The following HGFAC variants were observed in gnomAD, a reference collection of about 807,000 sequenced individuals.
HGFAC encodes HGF activator.
HGFAC carries 76 observed loss-of-function variants against 70.6 expected under a neutral mutation model. That is an observed-to-expected ratio of 1.08 (90% CI 0.89 to 1.30). The LOEUF is 1.30. Ranked by LOEUF, HGFAC falls within the 50% of genes most tolerant of loss-of-function variation. The pLI is 0.00. For missense variants in HGFAC, 1,044 were observed against 933.7 expected (o/e 1.12, Z -1.54); for synonymous variants, 464 against 405.3 (o/e 1.14, Z -1.74).
chr4:3,442,876 A>G lies in HGFAC; in HGVS notation c.262A>G (p.Arg88Gly), dbSNP rs760915815. The G allele has an allele frequency of 6.4e-7, 1 of 1,568,236 alleles. No homozygotes were observed. The highest frequency in any genetic ancestry group is 1.2e-5 in the South Asian group (1 of 85,030). ...AAGTGGGGGGCTCCCGCCCCCGCCC[A>G]GGGCAGTTCCCTCGAGCAGTAGCCC... The part of the protein sequence containing the change: ...PQSGGLPPPP[R>G]AVPSSSSPQA... The change falls in exon 2 of 14, where the codon AGG becomes GGG. Residue 88 changes from arginine (R) to glycine (G), a missense_variant. Transcript: ENST00000382774.
chr4:3,443,279 T>TGGTGG, intron 3 of HGFAC, 62 bp from the exon 4 acceptor site: 1 of 1,075,830 alleles, frequency 9.3e-7, no homozygotes, highest in South Asian at 1.4e-5. Context: ...CCCTCCAGGG[T>TGGTGG]GGTGGGGTGG....
In HGFAC at chr4:3,446,208, C is replaced by A. The variant is rs745547345; in HGVS notation, c.1269C>A (p.Ala423=). The A allele has an allele frequency of 1.2e-6, 2 of 1,611,138 alleles. No individual in the cohort carries two copies. The highest frequency in any genetic ancestry group is 1.7e-6 in the Non-Finnish European group (2 of 1,179,492). ...TGCCCGGCTCGCACCCCTGGCTGGC[C>A]GCCATCTACATCGGGGACAGCTTCT... ...SSLPGSHPWL[A]AIYIGDSFCA... The change falls in exon 10 of 14, where the codon GCC becomes GCA. Residue 423 remains alanine, a synonymous_variant. Transcript: ENST00000382774.
intron 10 of HGFAC, among the ~76,000 whole-genome samples, chr4:3,446,625 T>C (rs1218522991): frequency 6.6e-6 from 1 of 151,962 alleles, no homozygotes; most frequent in African/African-American, 2.4e-5. Context: ...TGGCTCTCAG[T>C]AGGGAGCCAG....
chr4:3,445,944 T>C, intron 9 of HGFAC, 98 bp from the exon 10 acceptor site: 3 of 1,561,038 alleles, frequency 1.9e-6, no homozygotes, highest in Non-Finnish European at 2.6e-6. Flanking sequence ...GGTCCGGCCA[T>C]GGCCCTCTGC....
chr4:3,445,892 C>T (rs758605372), intron 9 of HGFAC, 150 bp from the exon 10 acceptor site: 4 of 1,548,298 alleles, frequency 2.6e-6, no homozygotes, highest in Middle Eastern at 1.7e-4. Context: ...AAACTGAGGG[C>T]AGAGGTGAGT....
rs140857364 is a variant in HGFAC, at chr4:3,445,280, C to T, written c.1032C>T (p.Asp344=). 38 of 1,583,494 alleles carry T rather than the reference C, an allele frequency of 2.4e-5. No individual in the cohort carries two copies. In the Middle Eastern group the frequency reaches 6.6e-4, roughly 28 times the overall value. Residue 344 remains aspartate (D), a synonymous_variant, in exon 9 of 14, where the codon GAC becomes GAT. Transcript: ENST00000382774. ...TGCACCGCAGGAATCCGGACAATGA[C>T]GAGAGGCCCTGGTGCTACGTGGTGA... ...PHAYCRNPDN[D]ERPWCYVVKD...
Position 3,444,428 on chromosome 4 carries a change from G to C in HGFAC, c.716G>C (p.Gly239Ala). The stretch of plus-strand genomic sequence containing the variant: ...TTCGGGGGCCGGACCTGGTGCGAAG[G>C]CACCCGACATACAGGTGCGCCACGG... ...ECFGGRTWCE[G>A]TRHTACLSSP... The change falls in exon 6 of 14, where the codon GGC becomes GCC. Residue 239 changes from glycine to alanine, a missense_variant. Coordinates refer to ENST00000382774, the MANE Select transcript of HGFAC (RefSeq NM_001528.4). The C allele has an allele frequency of 6.3e-7, 1 of 1,599,700 alleles. No homozygotes were observed. The highest frequency in any genetic ancestry group is 1.1e-5 in the South Asian group (1 of 88,378).
In HGFAC at chr4:3,442,776, G is replaced by A. The variant is rs2073505; in HGVS notation, c.162G>A (p.Ala54=). ...SPEPNATATP[A]IPTILVTSVT... ...AACCTAATGCCACAGCGACCCCTGC[G>A]ATCCCCACTATCCTGGTGACCTCTG... The change falls in exon 2 of 14, where the codon GCG becomes GCA. Residue 54 remains alanine (A), a synonymous_variant. Coordinates refer to ENST00000382774, the MANE Select transcript of HGFAC (RefSeq NM_001528.4). The A allele has an allele frequency of 0.083, 127,456 of 1,538,964 alleles. 5,977 individuals are homozygous for A. The highest frequency in any genetic ancestry group is 0.19 in the Middle Eastern group (1,086 of 5,712).
chr4:3,443,896 C>T, intron 4 of HGFAC, 143 bp from the exon 5 acceptor site: 3 of 887,730 alleles, frequency 3.4e-6, no homozygotes, highest in African/African-American at 3.4e-5. Flanking sequence ...AGGGACCTTG[C>T]ACCCCGAGGG....
At position 3,442,889 on chromosome 4, in the gene HGFAC, C is replaced by G. The variant is rs199767749; in HGVS notation, c.275C>G (p.Ser92Trp). 8.4e-4 allele frequency: 1,307 copies of G among 1,564,214 alleles called. 9 individuals carry two copies. The South Asian group carries it at 9.0e-3, about 11-fold the overall frequency. Residue 92 changes from serine (S) to tryptophan (W), a missense_variant, in exon 2 of 14, where the codon TCG becomes TGG. Coordinates refer to ENST00000382774, the MANE Select transcript of HGFAC (RefSeq NM_001528.4). ...CCGCCCCCGCCCAGGGCAGTTCCCT[C>G]GAGCAGTAGCCCCCAGGCCCAAGGT... ...GLPPPPRAVP[S>W]SSSPQAQALT...
At position 3,446,111 on chromosome 4, in the gene HGFAC, G is replaced by T. The variant is rs199695477; in HGVS notation, c.1172G>T (p.Arg391Leu). ...CTGCCTGAGCCAGCCTCCCCGGGGC[G>T]CCAGGCCTGCGGCAGGAGGCACAAG... Reference protein sequence around the residue: ...ATLPEPASPGRQACGRRHKKR... With the variant: ...ATLPEPASPGLQACGRRHKKR... Residue 391 changes from arginine (R) to leucine (L), a missense_variant, in exon 10 of 14, where the codon CGC (arginine) becomes CTC (leucine). Transcript: ENST00000382774. 2.5e-6 allele frequency: 4 copies of T among 1,610,536 alleles called. No individual in the cohort carries two copies. The highest frequency in any genetic ancestry group is 1.7e-5 in the Admixed American group (1 of 59,804).
chr4:3,446,838 G>GATTAGGGGCAGGGGTCCGGCC (rs1279467178), intron 10 of HGFAC, among the ~76,000 whole-genome samples: 1 of 152,196 alleles, frequency 6.6e-6, no homozygotes, highest in East Asian at 1.9e-4. Flanking sequence ...GCACCCCAGT[G>GATTAGGGGCAGGGGTCCGGCC]ATTAGGGGCA....
chr4:3,442,227 G>A (rs1271070303), intron 1 of HGFAC, 109 bp downstream of exon 1: 3 of 819,934 alleles, frequency 3.7e-6, no homozygotes, highest in South Asian at 1.7e-5. Flanking sequence ...ATTTGAGGGG[G>A]CGGGGGTCCG....
At position 3,445,297 on chromosome 4, in the gene HGFAC, AC is replaced by A. The variant is rs1423234369; in HGVS notation, c.1050del (p.Tyr350Ter). The part of the protein sequence containing the change: ...NPDNDERPWC[Y>X]VVKDSALSWE... ...GACAATGACGAGAGGCCCTGGTGCTACGTGGTGAAGGACAGCGCGCTCTCCT... is the reference window on the plus strand; with the variant it reads ...GACAATGACGAGAGGCCCTGGTGCTAGTGGTGAAGGACAGCGCGCTCTCCT... On this transcript the variant is annotated frameshift_variant, in exon 9 of 14. Transcript: ENST00000382774. LOFTEE classifies it high-confidence loss of function. 6 of 1,588,684 alleles carry A rather than the reference AC, an allele frequency of 3.8e-6. No individual in the cohort carries two copies. Among genetic ancestry groups the A allele is most frequent in the Non-Finnish European group, 5.1e-6 (6 of 1,168,624 alleles).
chr4:3,446,223 G>A lies in HGFAC; in HGVS notation c.1284G>A (p.Gly428=), dbSNP rs1415914573. 6.2e-7 allele frequency: 1 copy of A among 1,611,254 alleles called. No homozygotes were observed. Among genetic ancestry groups the A allele is most frequent in the Non-Finnish European group, 8.5e-7 (1 of 1,179,530 alleles). The change falls in exon 10 of 14, where the codon GGG becomes GGA. Residue 428 remains glycine (G), a synonymous_variant. Transcript: ENST00000382774. ...CCTGGCTGGCCGCCATCTACATCGG[G>A]GACAGCTTCTGCGCCGGGAGCCTGG... ...SHPWLAAIYI[G]DSFCAGSLVH...
chr4:3,447,576 G>GA lies in HGFAC; in HGVS notation c.1442dup (p.Tyr482ValfsTer64), dbSNP rs765340154. On this transcript the variant is annotated frameshift_variant, in exon 11 of 14. Coordinates refer to ENST00000382774, the MANE Select transcript of HGFAC (RefSeq NM_001528.4). LOFTEE classifies it high-confidence loss of function. Reference sequence around the variant, plus strand: ...ACGTGACGCAGACCTTCGGCATCGAGAAGTACATCCCGTACACCCTGTACT... The same window carrying GA: ...ACGTGACGCAGACCTTCGGCATCGAGAAAGTACATCCCGTACACCCTGTACT... The GA allele has an allele frequency of 1.0e-4, 161 of 1,612,592 alleles. 3 individuals are homozygous for GA. The Admixed American group carries it at 2.2e-3, about 22-fold the overall frequency.
intron 3 of HGFAC, 22 bp from the exon 4 acceptor site, chr4:3,443,319 G>T (rs751494815): frequency 2.0e-6 from 3 of 1,537,918 alleles, no homozygotes; most frequent in Middle Eastern, 1.7e-4. Context: ...GGACCCCCAT[G>T]CACGCAGGTG....
At position 3,442,008 on chromosome 4, in the gene HGFAC, C is replaced by T. The variant is rs754001817; in HGVS notation, c.7C>T (p.Arg3Cys). The change falls in exon 1 of 14, where the codon CGC (arginine) becomes TGC (cysteine). Residue 3 changes from arginine (R) to cysteine (C), a missense_variant. Physicochemically the swap from Arg to Cys is radical, Grantham distance 180. Coordinates refer to ENST00000382774, the MANE Select transcript of HGFAC (RefSeq NM_001528.4). The stretch of plus-strand genomic sequence containing the variant: ...TCAGGCCAGCTCAGGAGCCATGGGG[C>T]GCTGGGCCTGGGTCCCCAGCCCCTG... MG[R>C]WAWVPSPWPP... The T allele has an allele frequency of 4.0e-6, 6 of 1,496,178 alleles. No homozygotes were observed. The highest frequency in any genetic ancestry group is 2.6e-5 in the South Asian group (2 of 75,534). 92.7% of individuals were successfully genotyped at this position (1,496,178 alleles called of 1,614,324 possible). A position where few individuals can be genotyped will look rare whatever the true frequency, so the allele number is the denominator to read the frequency against.
At chr4:3,449,185 G>C (rs140632987) in intron 13 of HGFAC, 52 bp from the exon 14 acceptor site, 1 of 1,536,014 alleles carries the variant, frequency 6.5e-7, no homozygotes, top group African/African-American at 1.4e-5. Context: ...GGAGAGGGGG[G>C]TCCCTGAACC....
Sources: gnomAD v4.1 joint callset for allele counts (sites outside exome capture counted in the v4.1 genomes callset) on GRCh38, gnomAD v4.1.1 for gene constraint, MANE v1.5 for transcripts, NCBI Gene and HGNC (gene_info 2026-07-23, HGNC 2026-07-21) for gene names.